AHI1: variants seen among roughly 807,000 people sequenced by gnomAD.
AHI1 encodes jouberin.
A neutral mutation model predicts 149.3 loss-of-function variants in AHI1; 123 were observed. That is an observed-to-expected ratio of 0.82 (90% CI 0.71 to 0.96). AHI1 has a LOEUF of 0.96. Among genes scored for constraint, AHI1 ranks in the 40% least tolerant of loss-of-function variants. The probability of loss-of-function intolerance (pLI) is 0.00; values close to 1 mark genes in which losing one functional copy is unlikely to be tolerated. For missense variants in AHI1, 1,439 were observed against 1,422.7 expected (o/e 1.01, Z -0.18); for synonymous variants, 475 against 459.8 (o/e 1.03, Z -0.42).
At chr6:135,435,295 T>C (rs547682087) in intron 15 of AHI1, 1 of 152,140 alleles carries the variant, frequency 6.6e-6, no homozygotes, top group Non-Finnish European at 1.5e-5. Flanking sequence ...AAGGAAAAAA[T>C]GTGTGCTTTA....
At chr6:135,371,925 T>C (rs932109619) in intron 23 of AHI1, among the ~76,000 whole-genome samples, 1 of 152,194 alleles carries the variant, frequency 6.6e-6, no homozygotes, top group African/African-American at 2.4e-5. Context: ...CATTGAGGGC[T>C]TTCAGCCAGC....
At chr6:135,304,325 T>G (rs1025601440) in intron 26 of AHI1, among the ~76,000 whole-genome samples, 5 of 152,336 alleles carry the variant, frequency 3.3e-5, no homozygotes, top group African/African-American at 1.2e-4. Context: ...AGTGCTAGAA[T>G]TATGGGCATG....
intron 27 of AHI1, among the ~76,000 whole-genome samples, chr6:135,293,827 T>C (rs984790920): frequency 6.6e-6 from 1 of 152,220 alleles, no homozygotes; most frequent in Non-Finnish European, 1.5e-5. Flanking sequence ...CTGGATTAAA[T>C]GCAATATCAA....
chr6:135,341,116 G>A (rs1790305428), intron 24 of AHI1, among the ~76,000 whole-genome samples: 1 of 152,034 alleles, frequency 6.6e-6, no homozygotes, highest in South Asian at 2.1e-4. Context: ...TATCTTATCA[G>A]TAATTTCACT....
chr6:135,447,234 A>G, intron 12 of AHI1, 74 bp from the exon 13 acceptor site: 1 of 1,001,992 alleles, frequency 1.0e-6, no homozygotes, highest in South Asian at 3.5e-5. Context: ...TAGTTTTTAA[A>G]ATACTGAAAC....
At chr6:135,373,232 TG>T (rs1190163706) in intron 23 of AHI1, among the ~76,000 whole-genome samples, 1 of 152,236 alleles carries the variant, frequency 6.6e-6, no homozygotes, top group African/African-American at 2.4e-5. Flanking sequence ...TACTGCATTT[TG>T]CTGTACCTTT....
chr6:135,366,373 C>T (rs375984485), intron 23 of AHI1, among the ~76,000 whole-genome samples: 1 of 152,068 alleles, frequency 6.6e-6, no homozygotes, highest in Non-Finnish European at 1.5e-5. Flanking sequence ...AACAATTCTT[C>T]TTTGAATGTC....
intron 13 of AHI1, among the ~76,000 whole-genome samples, chr6:135,444,140 T>C (rs1014821292): frequency 2.6e-5 from 4 of 152,214 alleles, no homozygotes; most frequent in African/African-American, 9.6e-5. Flanking sequence ...AGTCACTAAA[T>C]CATGCTGGTT....
intron 23 of AHI1, chr6:135,387,929 A>G: frequency 6.2e-7 from 1 of 1,610,668 alleles, no homozygotes. Flanking sequence ...AACAGTTAGG[A>G]AGTGGTGGGA....
rs111466248 is a variant in AHI1, at chr6:135,355,354, G to GAAAA, written c.3165+2774_3165+2777dup. Among the ~76,000 whole-genome samples, 12 of 134,406 alleles carry GAAAA rather than the reference G, an allele frequency of 8.9e-5. No homozygotes were observed. The East Asian group carries it at 2.6e-3, about 29-fold the overall frequency. 88.2% of individuals were successfully genotyped at this position (134,406 alleles called of 152,430 possible). ...CAAATATGGTACTATTTGTAAGAAA[G>GAAAA]AAAAAAAAAACCCAAACAAAAAAAT... On this transcript the variant is annotated intron_variant, in intron 24 of 28. Transcript: ENST00000265602.
At chr6:135,489,686 C>T (rs1179446690) in intron 5 of AHI1, among the ~76,000 whole-genome samples, 6 of 152,228 alleles carry the variant, frequency 3.9e-5, no homozygotes, top group East Asian at 1.9e-4. Context: ...TTTGTGCAGT[C>T]GTACACCAGT....
rs578234402 is a variant in AHI1, at chr6:135,340,743, T to C, written c.3165+17389A>G. Among the ~76,000 whole-genome samples, 229 of 144,508 alleles carry C rather than the reference T, an allele frequency of 1.6e-3. 1 individual carries two copies. Among genetic ancestry groups the C allele is most frequent in the African/African-American group, 5.6e-3 (220 of 39,158 alleles). The allele number at this position is 144,508 out of a possible 152,430, so 94.8% of individuals were successfully genotyped here. A position where few individuals can be genotyped will look rare whatever the true frequency, so the allele number is the denominator to read the frequency against. On this transcript the variant is annotated intron_variant, in intron 24 of 28. Transcript: ENST00000265602. Reference sequence around the variant, plus strand: ...CTCTCCATCTAATTAAAAAAAACTTTGTAAAGAAATAGTTATAAAAATAAG... The same window carrying C: ...CTCTCCATCTAATTAAAAAAAACTTCGTAAAGAAATAGTTATAAAAATAAG...
At chr6:135,430,480 T>C (rs1001592045) in intron 17 of AHI1, among the ~76,000 whole-genome samples, 1 of 151,932 alleles carries the variant, frequency 6.6e-6, no homozygotes, top group Non-Finnish European at 1.5e-5. Flanking sequence ...CTAAAATTCA[T>C]GGAAATTATT....
At chr6:135,379,514 A>G (rs1241363520) in intron 23 of AHI1, among the ~76,000 whole-genome samples, 1 of 152,160 alleles carries the variant, frequency 6.6e-6, no homozygotes, top group Non-Finnish European at 1.5e-5. Flanking sequence ...CTTCTTTAAC[A>G]CAGAATTTGT....
intron 22 of AHI1, among the ~76,000 whole-genome samples, chr6:135,397,860 TATC>T (rs1779445726): frequency 6.6e-6 from 1 of 152,086 alleles, no homozygotes; most frequent in African/African-American, 2.4e-5. Context: ...GCTGTGATGA[TATC>T]ATATCTCAAG....
chr6:135,358,947 CAT>C (rs1426937763), intron 23 of AHI1, among the ~76,000 whole-genome samples: 12 of 152,214 alleles, frequency 7.9e-5, no homozygotes, highest in African/African-American at 2.9e-4. Context: ...AGCAAACTAA[CAT>C]ATAATTTAGG....
intron 5 of AHI1, among the ~76,000 whole-genome samples, chr6:135,484,000 G>GTTTCTTTATTTGGGAGGTCTTTTATCCCT (rs1253529714): frequency 2.6e-5 from 4 of 152,224 alleles, no homozygotes; most frequent in African/African-American, 9.7e-5. Flanking sequence ...AATGAAAGAG[G>GTTTCTTTATTTGGGAGGTCTTTTATCCCT]TTTAATGGAC....
At chr6:135,380,530 T>C (rs1776587398) in intron 23 of AHI1, among the ~76,000 whole-genome samples, 1 of 152,202 alleles carries the variant, frequency 6.6e-6, no homozygotes, top group Non-Finnish European at 1.5e-5. Flanking sequence ...AGACTACATT[T>C]GCTTAATGTC....
At chr6:135,401,338 G>A (rs1022725383) in intron 22 of AHI1, among the ~76,000 whole-genome samples, 3 of 152,068 alleles carry the variant, frequency 2.0e-5, no homozygotes, top group Non-Finnish European at 1.5e-5. Context: ...AAAGGTTCTT[G>A]TTCACTATTA....
Sources: gnomAD v4.1 joint callset for allele counts (sites outside exome capture counted in the v4.1 genomes callset) on GRCh38, gnomAD v4.1.1 for gene constraint, MANE v1.5 for transcripts, NCBI Gene and HGNC (gene_info 2026-07-23, HGNC 2026-07-21) for gene names.